HECW1: variants seen among roughly 807,000 people sequenced by gnomAD.
HECW1 encodes E3 ubiquitin-protein ligase HECW1.
HECW1 carries 61 observed loss-of-function variants against 182.3 expected under a neutral mutation model. The ratio of observed to expected loss-of-function variants is 0.33; its 90% CI spans 0.27 to 0.41. The LOEUF is 0.41. Ranked by LOEUF, HECW1 falls within the 10% of genes least tolerant of loss-of-function variation. The pLI, the probability that HECW1 is intolerant of heterozygous loss-of-function variation, is 1.00. For missense variants in HECW1, 1,739 were observed against 2,108.9 expected (o/e 0.82, Z 3.44); for synonymous variants, 859 against 832.6 (o/e 1.03, Z -0.55).
chr7:43,389,487 A>G (rs2074932575), intron 6 of HECW1, among the ~76,000 whole-genome samples: 1 of 152,244 alleles, frequency 6.6e-6, no homozygotes. Context: ...TCTGCACTAC[A>G]CAAGAAGCTA....
chr7:43,533,981 A>G (rs1313636216), intron 24 of HECW1, among the ~76,000 whole-genome samples: 1 of 152,198 alleles, frequency 6.6e-6, no homozygotes, highest in Non-Finnish European at 1.5e-5. Context: ...AAGGTCACCC[A>G]AAGCAGGAGA....
intron 12 of HECW1, among the ~76,000 whole-genome samples, chr7:43,453,846 A>G (rs144576607): frequency 1.5e-3 from 228 of 152,366 alleles, no homozygotes; most frequent in African/African-American, 5.0e-3. Context: ...CCTTCAAGTC[A>G]TGCTGATGCC....
intron 5 of HECW1, among the ~76,000 whole-genome samples, chr7:43,323,663 T>C (rs1584479930): frequency 6.6e-6 from 1 of 152,176 alleles, no homozygotes; most frequent in East Asian, 1.9e-4. Context: ...CATCTCTTTA[T>C]AATACATAAA....
chr7:43,218,783 T>C (rs1796673404), intron 2 of HECW1, among the ~76,000 whole-genome samples: 1 of 152,134 alleles, frequency 6.6e-6, no homozygotes. Context: ...GAGAAAGTGA[T>C]ACAACGAGTG....
At chr7:43,398,941 G>A (rs2152839317) in intron 7 of HECW1, among the ~76,000 whole-genome samples, 1 of 152,344 alleles carries the variant, frequency 6.6e-6, no homozygotes, top group Admixed American at 6.5e-5. Context: ...AAGATCAGAT[G>A]AGCCAGTTTA....
intron 2 of HECW1, among the ~76,000 whole-genome samples, chr7:43,139,802 T>A (rs922697184): frequency 2.4e-5 from 3 of 123,984 alleles, no homozygotes; most frequent in Admixed American, 2.4e-4. Context: ...GAGGCTTTCA[T>A]CTTTGGAAAA....
At chr7:43,188,410 T>C (rs1265897529) in intron 2 of HECW1, among the ~76,000 whole-genome samples, 2 of 151,582 alleles carry the variant, frequency 1.3e-5, no homozygotes, top group Non-Finnish European at 2.9e-5. Context: ...ACTAGGTTAG[T>C]GGTTAAACTC....
chr7:43,117,067 T>C (rs1405031587), intron 2 of HECW1, among the ~76,000 whole-genome samples: 2 of 152,250 alleles, frequency 1.3e-5, no homozygotes, highest in African/African-American at 4.8e-5. Context: ...TCTATAATCC[T>C]TTCTTATTTG....
Position 43,432,117 on chromosome 7 carries a change from T to G in HECW1, c.802-5886T>G, listed in dbSNP as rs1220152431. Among the ~76,000 whole-genome samples the G allele has an allele frequency of 2.0e-5, 3 of 149,572 alleles. No homozygotes were observed. The East Asian group carries it at 6.0e-4, about 30-fold the overall frequency. On this transcript the variant is annotated intron_variant, in intron 8 of 29. Transcript: ENST00000395891. This position sits in a 1 kb window ranked among gnomAD's most constrained non-coding sequence, Gnocchi z 4.1. ...TGCTGGGATTACAGGCATGAGCCAC[T>G]GCACCCGGCCAGTTGTTTATTTTAT...
At chr7:43,147,597 G>A (rs886939319) in intron 2 of HECW1, 20 of 152,254 alleles carry the variant, frequency 1.3e-4, no homozygotes, top group Non-Finnish European at 2.6e-4. Context: ...TAAACAAAGA[G>A]TTTTTAAGAA....
At position 43,466,531 on chromosome 7, in the gene HECW1, C is replaced by T. The variant is rs1439070893; in HGVS notation, c.2876C>T (p.Thr959Ile). ...CAGTCCCCAGCGGTCAAGTTCATCA[C>T]CAACCCCGAGTTCTTCACTGTGCTA... ...LLQSPAVKFI[T>I]NPEFFTVLHA... The change falls in exon 15 of 30, where the codon ACC becomes ATC. Residue 959 changes from threonine to isoleucine, a missense_variant. Thr to Ile is a moderately conservative substitution (Grantham distance 89). Coordinates refer to ENST00000395891, the MANE Select transcript of HECW1 (RefSeq NM_015052.5). 1 of 1,614,008 alleles carries T rather than the reference C, an allele frequency of 6.2e-7. No individual in the cohort carries two copies. Among genetic ancestry groups the T allele is most frequent in the South Asian group, 1.1e-5 (1 of 91,068 alleles).
intron 2 of HECW1, among the ~76,000 whole-genome samples, chr7:43,180,648 G>A (rs1169580622): frequency 1.3e-5 from 2 of 152,196 alleles, no homozygotes; most frequent in Non-Finnish European, 2.9e-5. Context: ...ACCCGCCTTG[G>A]CCTCCCAAAG....
intron 20 of HECW1, 138 bp downstream of exon 20, chr7:43,500,920 G>A: frequency 1.4e-6 from 1 of 733,512 alleles, no homozygotes; most frequent in African/African-American, 1.7e-5. Flanking sequence ...ACGCAAGTGG[G>A]ACCCCACCCT....
intron 2 of HECW1, among the ~76,000 whole-genome samples, chr7:43,209,576 T>C (rs985827047): frequency 6.6e-6 from 1 of 152,202 alleles, no homozygotes; most frequent in Non-Finnish European, 1.5e-5. Context: ...AAGAGCCTCC[T>C]TGCCCATTTT....
chr7:43,399,636 G>T (rs751795012), intron 7 of HECW1, among the ~76,000 whole-genome samples: 5 of 152,062 alleles, frequency 3.3e-5, no homozygotes, highest in Non-Finnish European at 5.9e-5. Flanking sequence ...ATGAAGACAT[G>T]GGCTCACAGA....
At chr7:43,409,986 A>G (rs2075744102) in intron 8 of HECW1, among the ~76,000 whole-genome samples, 1 of 152,200 alleles carries the variant, frequency 6.6e-6, no homozygotes, top group African/African-American at 2.4e-5. Flanking sequence ...CAAGACATCC[A>G]GAGGGAGGTG....
chr7:43,457,117 C>T (rs1332348270), intron 13 of HECW1, among the ~76,000 whole-genome samples: 1 of 152,180 alleles, frequency 6.6e-6, no homozygotes, highest in Non-Finnish European at 1.5e-5. Context: ...TGTTTTTAAC[C>T]TGCAAACAAA....
intron 2 of HECW1, among the ~76,000 whole-genome samples, chr7:43,222,889 A>G (rs146271652): frequency 6.4e-4 from 97 of 152,168 alleles, no homozygotes; most frequent in African/African-American, 2.3e-3. Context: ...CTTATGACCT[A>G]TTTCACCTGT....
In HECW1 at chr7:43,444,617, C is replaced by A; in HGVS notation, c.1445C>A (p.Thr482Asn). ...GAAGACGGTGAAGCCCCAGCCAGCA[C>A]CAAGGAGGAGCCCTTGGAGGAGGAA... is the stretch of plus-strand genomic sequence containing the variant. ...LLEDGEAPAS[T>N]KEEPLEEEAT... is the part of the protein sequence containing the mutation. Residue 482 changes from threonine to asparagine, a missense_variant, in exon 11 of 30, where the codon ACC (threonine) becomes AAC (asparagine). Around this residue, in one of 5 missense-constraint regions of HECW1, gnomAD observed 971 missense variants for 1,029.1 expected, o/e 0.94. Transcript: ENST00000395891. The surrounding 1 kb of genome is among the most constrained non-coding windows in gnomAD (Gnocchi z 4.3). 6.2e-7 allele frequency: 1 copy of A among 1,610,554 alleles called. No homozygotes were observed. The highest frequency in any genetic ancestry group is 1.1e-5 in the South Asian group (1 of 90,432).
Sources: allele counts gnomAD v4.1 joint callset (sites outside exome capture counted in the v4.1 genomes callset), GRCh38; gene constraint gnomAD v4.1.1; regional missense constraint gnomAD v4.1.1; non-coding constraint Gnocchi (gnomAD v3.1); transcripts MANE v1.5; gene names NCBI Gene and HGNC (gene_info 2026-07-23, HGNC 2026-07-21).